The following CNTLN variants were observed in gnomAD, a reference collection of about 807,000 sequenced individuals.
CNTLN encodes centlein, also known as centlein, centrosomal protein.
A neutral mutation model predicts 180.0 loss-of-function variants in CNTLN; 212 were observed. That is an observed-to-expected ratio of 1.18 (90% confidence interval 1.05 to 1.32). The LOEUF is 1.32. Ranked by LOEUF, CNTLN falls within the 40% of genes most tolerant of loss-of-function variation. The pLI is 0.00. For synonymous variants in CNTLN, 722 were observed against 563.1 expected (o/e 1.28, Z -3.99); for missense variants, 2,095 against 1,610.9 (o/e 1.30, Z -5.14).
chr9:17,467,647 T>C (rs1276794983), intron 23 of CNTLN, among the ~76,000 whole-genome samples: 1 of 151,672 alleles, frequency 6.6e-6, no homozygotes, highest in Non-Finnish European at 1.5e-5. Context: ...GGATCCTAAA[T>C]GATTGCAAAG....
intron 18 of CNTLN, among the ~76,000 whole-genome samples, chr9:17,448,854 G>C (rs1434896854): frequency 6.6e-6 from 1 of 152,162 alleles, no homozygotes; most frequent in Non-Finnish European, 1.5e-5. Flanking sequence ...ATAGTAAATA[G>C]GACATGTGAG....
At chr9:17,207,447 C>T (rs181655528) in intron 2 of CNTLN, among the ~76,000 whole-genome samples, 1 of 152,134 alleles carries the variant, frequency 6.6e-6, no homozygotes, top group African/African-American at 2.4e-5. Flanking sequence ...CAAAGAGCAG[C>T]TCAGCTTTGT....
intron 18 of CNTLN, among the ~76,000 whole-genome samples, chr9:17,434,347 A>G (rs1204265798): frequency 2.0e-5 from 3 of 151,822 alleles, no homozygotes; most frequent in Non-Finnish European, 4.4e-5. Context: ...CTTTTCTGAT[A>G]TAACTGTTTA....
intron 12 of CNTLN, 72 bp downstream of exon 12, chr9:17,342,516 A>G (rs998071028): frequency 1.5e-6 from 2 of 1,368,776 alleles, no homozygotes; most frequent in East Asian, 2.4e-5. Context: ...CTTAAAAGCT[A>G]TTAAAGAAAC....
At chr9:17,297,103 C>T (rs1262850141) in intron 6 of CNTLN, among the ~76,000 whole-genome samples, 1 of 152,096 alleles carries the variant, frequency 6.6e-6, no homozygotes, top group African/African-American at 2.4e-5. Flanking sequence ...TTGAAAATAT[C>T]AGGTGAAGAA....
intron 18 of CNTLN, among the ~76,000 whole-genome samples, chr9:17,417,120 C>T (rs1468653149): frequency 6.6e-6 from 1 of 152,136 alleles, no homozygotes; most frequent in African/African-American, 2.4e-5. Flanking sequence ...CTGGATTTTA[C>T]AGGCTTGGCC....
At chr9:17,455,454 A>G (rs2134143327) in intron 18 of CNTLN, among the ~76,000 whole-genome samples, 1 of 152,286 alleles carries the variant, frequency 6.6e-6, no homozygotes, top group African/African-American at 2.4e-5. Context: ...GTCTTTTAGA[A>G]GAATGTATTT....
At chr9:17,254,460 GT>G (rs543680682) in intron 5 of CNTLN, among the ~76,000 whole-genome samples, 76 of 143,322 alleles carry the variant, frequency 5.3e-4, no homozygotes, top group Middle Eastern at 3.6e-3. Flanking sequence ...CCATTTGGAG[GT>G]TTTTTTTTTT....
intron 13 of CNTLN, among the ~76,000 whole-genome samples, chr9:17,376,475 G>A (rs1383480005): frequency 4.2e-5 from 6 of 144,016 alleles, no homozygotes; most frequent in African/African-American, 1.6e-4. Flanking sequence ...TTTTTGAGAC[G>A]GAGTCTCGCT....
At chr9:17,249,698 C>T (rs956784862) in intron 5 of CNTLN, among the ~76,000 whole-genome samples, 1 of 151,742 alleles carries the variant, frequency 6.6e-6, no homozygotes, top group African/African-American at 2.4e-5. Context: ...TTTTTCCCTT[C>T]TGCTGTGGAT....
intron 2 of CNTLN, among the ~76,000 whole-genome samples, chr9:17,207,122 C>T (rs944749247): frequency 6.6e-6 from 1 of 152,192 alleles, no homozygotes; most frequent in East Asian, 1.9e-4. Context: ...ATGGTGAATC[C>T]TCCATAGTCT....
In CNTLN at chr9:17,394,710, T is replaced by C. The variant is rs1382013028; in HGVS notation, c.2256T>C (p.Asp752=). Residue 752 remains aspartate, a synonymous_variant, in exon 15 of 26, where the codon GAT becomes GAC. Coordinates refer to ENST00000380647, the MANE Select transcript of CNTLN (RefSeq NM_017738.4). ...ELEQIIKGSK[D]VEKENTELQV... ...AACAGATAATAAAGGGGAGTAAAGA[T>C]GTAGAAAAAGAAAATACTGAACTTC... 6 of 1,613,664 alleles carry C rather than the reference T, an allele frequency of 3.7e-6. No individual in the cohort carries two copies. The highest frequency in any genetic ancestry group is 1.1e-5 in the South Asian group (1 of 91,046).
chr9:17,465,995 T>C lies in CNTLN; in HGVS notation c.3546T>C (p.Thr1182=). The change falls in exon 22 of 26, where the codon ACT becomes ACC. Residue 1182 remains threonine (T), a synonymous_variant. Coordinates refer to ENST00000380647, the MANE Select transcript of CNTLN (RefSeq NM_017738.4). The part of the protein sequence containing the change: ...QNLDKKVKTL[T]EECSNKKVSI... ...TTTTAATGTAGGTAAAGACATTAAC[T>C]GAAGAATGTTCCAACAAGAAGGTAT... is the stretch of plus-strand genomic sequence containing the variant. 1.9e-6 allele frequency: 3 copies of C among 1,602,996 alleles called. No individual in the cohort carries two copies. Among genetic ancestry groups the C allele is most frequent in the Non-Finnish European group, 2.6e-6 (3 of 1,172,918 alleles).
chr9:17,491,086 T>C (rs1028715433), intron 25 of CNTLN, among the ~76,000 whole-genome samples: 1 of 152,112 alleles, frequency 6.6e-6, no homozygotes, highest in Non-Finnish European at 1.5e-5. Context: ...TTCTGCCCAT[T>C]CTGATCCCCC....
chr9:17,400,451 T>G (rs1480338279), intron 15 of CNTLN, among the ~76,000 whole-genome samples: 1 of 152,170 alleles, frequency 6.6e-6, no homozygotes, highest in African/African-American at 2.4e-5. Context: ...GTACCATTAT[T>G]TAGAGTATAT....
At chr9:17,458,865 G>C (rs1224296133) in intron 19 of CNTLN, among the ~76,000 whole-genome samples, 1 of 151,764 alleles carries the variant, frequency 6.6e-6, no homozygotes, top group African/African-American at 2.4e-5. Context: ...AAGAAGTGTT[G>C]TGCAATTTCG....
intron 15 of CNTLN, among the ~76,000 whole-genome samples, chr9:17,408,751 A>C (rs2133836918): frequency 6.6e-6 from 1 of 151,772 alleles, no homozygotes; most frequent in South Asian, 2.1e-4. Context: ...CCATGAGCCA[A>C]GATCGCGCCA....
At chr9:17,354,002 C>T (rs1477779496) in intron 12 of CNTLN, among the ~76,000 whole-genome samples, 17 of 152,150 alleles carry the variant, frequency 1.1e-4, no homozygotes, top group East Asian at 1.9e-4. Flanking sequence ...TTCGGGTGGG[C>T]GTGGGCTTGG....
At chr9:17,438,228 A>T (rs903688533) in intron 18 of CNTLN, among the ~76,000 whole-genome samples, 2 of 152,126 alleles carry the variant, frequency 1.3e-5, no homozygotes, top group South Asian at 4.1e-4. Context: ...GACTGAGACT[A>T]AGGCTCGAGA....
Sources: gnomAD v4.1 joint callset for allele counts (sites outside exome capture counted in the v4.1 genomes callset) on GRCh38, gnomAD v4.1.1 for gene constraint, MANE v1.5 for transcripts, NCBI Gene and HGNC (gene_info 2026-07-23, HGNC 2026-07-21) for gene names.